Variants in FBN2 observed in about 807,000 individuals in gnomAD.
FBN2 encodes the protein fibrillin 2, also known as fibrillin-2.
A neutral mutation model predicts 355.6 loss-of-function variants in FBN2; 105 were observed. The observed-to-expected ratio is 0.30, with a 90% CI of 0.25 to 0.35. The LOEUF is 0.35. Among genes scored for constraint, FBN2 ranks in the 10% least tolerant of loss-of-function variants. The pLI is 1.00. For missense variants in FBN2, 3,280 were observed against 3,758.7 expected (o/e 0.87, Z 3.33); for synonymous variants, 1,350 against 1,301.2 (o/e 1.04, Z -0.81).
chr5:128,396,056 A>G (rs1055777045), intron 8 of FBN2, among the ~76,000 whole-genome samples: 15 of 152,178 alleles, frequency 9.9e-5, no homozygotes, highest in African/African-American at 3.6e-4. Context: ...GTGAGAGATG[A>G]TGGTGGCTTT....
intron 8 of FBN2, among the ~76,000 whole-genome samples, chr5:128,399,266 A>G (rs1752731194): frequency 6.6e-6 from 1 of 152,228 alleles, no homozygotes; most frequent in African/African-American, 2.4e-5. Flanking sequence ...GTGGAAAAAC[A>G]AGACAGATCA....
Position 128,350,903 on chromosome 5 carries a change from G to C in FBN2, c.2777C>G (p.Ala926Gly). 2 of 1,614,150 alleles carry C rather than the reference G, an allele frequency of 1.2e-6. No homozygotes were observed. Among genetic ancestry groups the C allele is most frequent in the Non-Finnish European group, 1.7e-6 (2 of 1,180,038 alleles). ...CCGCTCACAGGGGCTCCCCCAGGCG[G>C]CTCCGAGGGTGGCACAGCATTCAGA... ...LKSECCATLG[A>G]AWGSPCERCE... The change falls in exon 21 of 65, where the codon GCC (alanine) becomes GGC (glycine). Residue 926 changes from alanine (A) to glycine (G), a missense_variant. Ala to Gly is a moderately conservative substitution (Grantham distance 60, BLOSUM62 0). Coordinates refer to ENST00000262464, the MANE Select transcript of FBN2 (RefSeq NM_001999.4).
At chr5:128,381,204 G>T (rs1174421688) in intron 11 of FBN2, among the ~76,000 whole-genome samples, 1 of 152,034 alleles carries the variant, frequency 6.6e-6, no homozygotes, top group Non-Finnish European at 1.5e-5. Context: ...CAGACACTAG[G>T]AGAGTTACAA....
chr5:128,506,903 A>G (rs1347865861), intron 5 of FBN2, among the ~76,000 whole-genome samples: 1 of 152,122 alleles, frequency 6.6e-6, no homozygotes, highest in Non-Finnish European at 1.5e-5. Context: ...ATAGTGAAAC[A>G]CGATGTTTTT....
intron 41 of FBN2, among the ~76,000 whole-genome samples, chr5:128,307,990 T>C (rs1749929554): frequency 6.6e-6 from 1 of 152,130 alleles, no homozygotes; most frequent in Non-Finnish European, 1.5e-5. Flanking sequence ...AGACCACAGA[T>C]GCTCAACTTA....
intron 5 of FBN2, among the ~76,000 whole-genome samples, chr5:128,508,819 T>G (rs1010628339): frequency 7.9e-5 from 12 of 152,070 alleles, no homozygotes; most frequent in African/African-American, 2.9e-4. Flanking sequence ...GGAAAAAGCT[T>G]TATTTATTTT....
intron 53 of FBN2, 58 bp downstream of exon 53, chr5:128,288,379 AC>A: frequency 1.9e-6 from 3 of 1,567,490 alleles, no homozygotes; most frequent in Non-Finnish European, 2.6e-6. Context: ...AAATATTGAG[AC>A]ATTAAAAAAC....
At chr5:128,286,550 C>T (rs1749149749) in intron 55 of FBN2, among the ~76,000 whole-genome samples, 168 bp downstream of exon 55, 1 of 152,158 alleles carries the variant, frequency 6.6e-6, no homozygotes, top group African/African-American at 2.4e-5. Context: ...CAATCCAGAA[C>T]CTATTATATT....
chr5:128,409,043 T>C lies in FBN2; in HGVS notation c.953-244A>G, dbSNP rs191718481. 2.6e-5 allele frequency among the ~76,000 whole-genome samples: 4 copies of C among 152,264 alleles called. No individual in the cohort carries two copies. The East Asian group carries it at 7.7e-4, about 29-fold the overall frequency. On this transcript the variant is annotated intron_variant, in intron 7 of 64. Coordinates refer to ENST00000262464, the MANE Select transcript of FBN2 (RefSeq NM_001999.4). ...CTAAAGCAGAACTCTATACCCTTTTTTAAAAATGCAATTTAAATTGGAAAT... is the reference window on the plus strand; with the variant it reads ...CTAAAGCAGAACTCTATACCCTTTTCTAAAAATGCAATTTAAATTGGAAAT...
intron 26 of FBN2, among the ~76,000 whole-genome samples, chr5:128,338,401 C>T (rs569541183): frequency 2.9e-4 from 44 of 152,272 alleles, no homozygotes; most frequent in African/African-American, 1.0e-3. Context: ...TATATCACCA[C>T]GGACTCATGA....
At chr5:128,293,320 C>T (rs1049182179) in intron 48 of FBN2, among the ~76,000 whole-genome samples, 2 of 151,954 alleles carry the variant, frequency 1.3e-5, no homozygotes, top group Non-Finnish European at 2.9e-5. Context: ...GGTGAAACAC[C>T]GTCTCTACTA....
intron 11 of FBN2, among the ~76,000 whole-genome samples, chr5:128,381,860 C>G (rs1752242768): frequency 6.6e-6 from 1 of 152,074 alleles, no homozygotes; most frequent in Admixed American, 6.6e-5. Flanking sequence ...TTTGTACAGA[C>G]AAAATTTGAG....
At chr5:128,377,902 C>CATCATTCT in intron 12 of FBN2, 25 bp from the exon 13 acceptor site, 2 of 1,604,574 alleles carry the variant, frequency 1.2e-6, no homozygotes, top group African/African-American at 2.7e-5. Context: ...AATGGCCAAA[C>CATCATTCT]ATCATTCTTT....
At position 128,338,076 on chromosome 5, in the gene FBN2, G is replaced by C. The variant is rs369851490; in HGVS notation, c.3519C>G (p.Thr1173=). Residue 1173 remains threonine, a synonymous_variant, in exon 27 of 65, where the codon ACC becomes ACG. Coordinates refer to ENST00000262464, the MANE Select transcript of FBN2 (RefSeq NM_001999.4). ...ERNPLLCRGG[T]CVNTEGSFQC... is the part of the protein sequence containing the mutation. The stretch of plus-strand genomic sequence containing the variant: ...GAAAGCTGCCCTCAGTGTTCACACA[G>C]GTGCCACCCCTACAAAGGAGAGGGT... 5.0e-6 allele frequency: 8 copies of C among 1,613,912 alleles called. No homozygotes were observed. In the African/African-American group the frequency reaches 9.3e-5, roughly 19 times the overall value.
intron 36 of FBN2, among the ~76,000 whole-genome samples, chr5:128,316,367 G>T (rs770463910): frequency 2.0e-5 from 3 of 152,144 alleles, no homozygotes; most frequent in Non-Finnish European, 2.9e-5. Flanking sequence ...GGAAAAACAA[G>T]ATCTCTTAAT....
intron 20 of FBN2, among the ~76,000 whole-genome samples, chr5:128,356,577 C>T (rs1325658257): frequency 3.3e-5 from 5 of 152,196 alleles, no homozygotes; most frequent in Non-Finnish European, 7.3e-5. Context: ...ACCACAGAGG[C>T]TAGAAGTAGG....
intron 7 of FBN2, among the ~76,000 whole-genome samples, chr5:128,437,223 A>G (rs1753788136): frequency 6.6e-6 from 1 of 152,202 alleles, no homozygotes; most frequent in Non-Finnish European, 1.5e-5. Context: ...ATGAAAAGAA[A>G]TGGGGAAACA....
At chr5:128,535,768 A>T (rs938991504) in intron 2 of FBN2, among the ~76,000 whole-genome samples, 1 of 150,668 alleles carries the variant, frequency 6.6e-6, no homozygotes, top group African/African-American at 2.4e-5. Context: ...ACTGCACACT[A>T]TTGAGGTTCA....
At chr5:128,525,583 T>G (rs1756539571) in intron 4 of FBN2, among the ~76,000 whole-genome samples, 1 of 152,144 alleles carries the variant, frequency 6.6e-6, no homozygotes, top group African/African-American at 2.4e-5. Context: ...TTTAACACAT[T>G]GGCCCCTCCT....
Sources: gnomAD v4.1 joint callset for allele counts (sites outside exome capture counted in the v4.1 genomes callset) on GRCh38, gnomAD v4.1.1 for gene constraint, MANE v1.5 for transcripts, NCBI Gene and HGNC (gene_info 2026-07-23, HGNC 2026-07-21) for gene names.